Variants in RBM19 observed in about 807,000 individuals in gnomAD.
RBM19 encodes probable RNA-binding protein 19.
RBM19 carries 94 observed loss-of-function variants against 116.8 expected under a neutral mutation model. The observed-to-expected ratio is 0.80, with a 90% confidence interval of 0.68 to 0.95. RBM19 has a LOEUF of 0.95. Among genes scored for constraint, RBM19 ranks in the 40% least tolerant of loss-of-function variants. RBM19 has a pLI of 0.00. For synonymous variants in RBM19, 475 were observed against 494.1 expected (o/e 0.96, Z 0.51); for missense variants, 1,161 against 1,220.7 (o/e 0.95, Z 0.73).
At position 113,903,335 on chromosome 12, in the gene RBM19, C is replaced by T. The variant is rs1040743799; in HGVS notation, c.2558+11634G>A. 6.6e-6 allele frequency among the ~76,000 whole-genome samples: 1 copy of T among 152,202 alleles called. No homozygotes were observed. On this transcript the variant is annotated intron_variant, in intron 21 of 23. Coordinates refer to ENST00000261741, the MANE Select transcript of RBM19 (RefSeq NM_016196.4). This position sits in a 1 kb window ranked among gnomAD's most constrained non-coding sequence, Gnocchi z 5.1. ...ACTCAGCATCATGTTTTCAAATCCA[C>T]GTTATCAGTAGTCCATTCCTATTTA... is the stretch of plus-strand genomic sequence containing the variant.
chr12:113,960,251 G>A lies in RBM19; in HGVS notation c.220-73C>T, dbSNP rs1195006387. Reference sequence around the variant, plus strand: ...GTTGGGTGCTGCCCTTCGGCACCTGGGAGCTCGGGCATTTCAGACAACTGT... The same window carrying A: ...GTTGGGTGCTGCCCTTCGGCACCTGAGAGCTCGGGCATTTCAGACAACTGT... On this transcript the variant is annotated intron_variant, in intron 2 of 23. Transcript: ENST00000261741. The A allele has an allele frequency of 4.4e-6, 7 of 1,599,358 alleles. No individual in the cohort carries two copies. In the Admixed American group the frequency reaches 1.0e-4, roughly 23 times the overall value.
chr12:113,816,946 T>C (rs1164063983), exon 25 of RBM19: 5 of 152,214 alleles, frequency 3.3e-5, no homozygotes, highest in African/African-American at 4.8e-5. Context: ...TCACTCTCCC[T>C]TCCCCGTCCT....
intron 21 of RBM19, among the ~76,000 whole-genome samples, chr12:113,876,682 C>T (rs923158812): frequency 2.6e-5 from 4 of 151,796 alleles, no homozygotes; most frequent in East Asian, 1.9e-4. Context: ...TCCCAGATAC[C>T]GTAGGGGCTG....
At chr12:113,966,082 AGTCCT>A (rs1872844515) in intron 1 of RBM19, 105 bp downstream of exon 1, 3 of 1,299,844 alleles carry the variant, frequency 2.3e-6, no homozygotes, top group Non-Finnish European at 3.3e-6. Flanking sequence ...ATTGGCCCGG[AGTCCT>A]GCCCCAGAGC....
At chr12:113,933,235 A>T (rs1224864653) in intron 16 of RBM19, among the ~76,000 whole-genome samples, 1 of 150,314 alleles carries the variant, frequency 6.7e-6, no homozygotes, top group Non-Finnish European at 1.5e-5. Context: ...CTTCCTTGGG[A>T]GCCTGAGAAA....
chr12:113,966,234 G>C lies in RBM19; in HGVS notation c.-7C>G. On this transcript the variant is annotated 5_prime_UTR_variant, in exon 1 of 24. Transcript: ENST00000261741. ...TCACGATCAGTCGCGACATGGCGCA[G>C]GGTCCCCGCTGTTTTGATTCCAACA... The C allele has an allele frequency of 1.2e-6, 2 of 1,614,250 alleles. No individual in the cohort carries two copies. The highest frequency in any genetic ancestry group is 1.7e-6 in the Non-Finnish European group (2 of 1,180,044).
At chr12:113,820,760 A>T (rs1181744204), downstream of RBM19, among the ~76,000 whole-genome samples, 1 of 152,140 alleles carries the variant, frequency 6.6e-6, no homozygotes, top group Non-Finnish European at 1.5e-5. Context: ...TGCCTGGGGC[A>T]GGGGTGCAGG....
chr12:113,835,710 C>T (rs1875818824), intron 23 of RBM19, among the ~76,000 whole-genome samples: 1 of 152,228 alleles, frequency 6.6e-6, no homozygotes, highest in Admixed American at 6.5e-5. Context: ...ATCTCCCGCC[C>T]CAGCCCAACC....
chr12:113,933,757 A>T (rs1190769658), intron 16 of RBM19, among the ~76,000 whole-genome samples: 2 of 152,176 alleles, frequency 1.3e-5, no homozygotes, highest in African/African-American at 4.8e-5. Flanking sequence ...TTCTGTACTC[A>T]GGGCCCACTT....
chr12:113,912,606 C>T lies in RBM19; in HGVS notation c.2558+2363G>A, dbSNP rs78866542. On this transcript the variant is annotated intron_variant, in intron 21 of 23. Transcript: ENST00000261741. Reference sequence around the variant, plus strand: ...AAAAGGAATGACAGCATCCATCCCTCGCAGGGCTGCTGTGCGGCTTAAAAG... The same window carrying T: ...AAAAGGAATGACAGCATCCATCCCTTGCAGGGCTGCTGTGCGGCTTAAAAG... Among the ~76,000 whole-genome samples the T allele has an allele frequency of 7.2e-5, 11 of 152,322 alleles. No homozygotes were observed. The East Asian group carries it at 1.7e-3, about 24-fold the overall frequency.
At chr12:113,829,645 G>A (rs1001148758) in intron 23 of RBM19, among the ~76,000 whole-genome samples, 20 of 152,236 alleles carry the variant, frequency 1.3e-4, no homozygotes, top group African/African-American at 4.8e-4. Flanking sequence ...ACAGGACGAG[G>A]TGGGACCTGA....
intron 23 of RBM19, among the ~76,000 whole-genome samples, chr12:113,839,347 G>T (rs1184156670): frequency 1.3e-5 from 2 of 152,238 alleles, no homozygotes; most frequent in African/African-American, 4.8e-5. Flanking sequence ...GTGTCCCAGA[G>T]ACATCAATCG....
intron 21 of RBM19, among the ~76,000 whole-genome samples, chr12:113,894,964 G>A (rs1881218683): frequency 6.6e-6 from 1 of 152,174 alleles, no homozygotes; most frequent in Non-Finnish European, 1.5e-5. Flanking sequence ...CTGGCCAGAG[G>A]ACAAGGCCCA....
intron 16 of RBM19, among the ~76,000 whole-genome samples, chr12:113,930,710 C>T (rs967047611): frequency 2.5e-4 from 38 of 152,212 alleles, no homozygotes; most frequent in Non-Finnish European, 5.9e-5. Flanking sequence ...TCTGGCTGAC[C>T]CCGGAGACGT....
chr12:113,913,068 T>C (rs1458457484), intron 21 of RBM19, among the ~76,000 whole-genome samples: 3 of 152,166 alleles, frequency 2.0e-5, no homozygotes, highest in East Asian at 3.9e-4. Flanking sequence ...ATTCCCTGTC[T>C]TCTAAAAATA....
At position 113,858,890 on chromosome 12, in the gene RBM19, A is replaced by G. The variant is rs1339915178; in HGVS notation, c.2565T>C (p.Phe855=). ...SREIRELFST[F]GELKTVRLPK... Reference sequence around the variant, plus strand: ...GCAGGCGGACCGTCTTCAACTCCCCAAAGGTGCTAGAAACAAAAGGCAAGA... The same window carrying G: ...GCAGGCGGACCGTCTTCAACTCCCCGAAGGTGCTAGAAACAAAAGGCAAGA... The change falls in exon 22 of 24, where the codon TTT becomes TTC. Residue 855 remains phenylalanine, a synonymous_variant. Coordinates refer to ENST00000261741, the MANE Select transcript of RBM19 (RefSeq NM_016196.4). 5 of 1,614,176 alleles carry G rather than the reference A, an allele frequency of 3.1e-6. No individual in the cohort carries two copies. Among genetic ancestry groups the G allele is most frequent in the Non-Finnish European group, 4.2e-6 (5 of 1,180,030 alleles).
At position 113,942,413 on chromosome 12, in the gene RBM19, C is replaced by T. The variant is rs375265401; in HGVS notation, c.1648G>A (p.Val550Met). Residue 550 changes from valine to methionine, a missense_variant, in exon 14 of 24, where the codon GTG becomes ATG. Coordinates refer to ENST00000261741, the MANE Select transcript of RBM19 (RefSeq NM_016196.4). ...FDHETKGSVA[V>M]RVALGETQLV... ...TGGGTTTCCCCCAGAGCCACGCGCA[C>T]GGCCACGCTGCCCTTGGTCTCCTGT... 1.0e-5 allele frequency: 16 copies of T among 1,607,790 alleles called. No individual in the cohort carries two copies. The African/African-American group carries it at 1.2e-4, about 12-fold the overall frequency.
intron 15 of RBM19, 80 bp downstream of exon 15, chr12:113,939,880 A>G (rs1870403068): frequency 6.8e-7 from 1 of 1,467,146 alleles, no homozygotes; most frequent in South Asian, 1.2e-5. Context: ...CTGTGAATCC[A>G]TAGCCCACTG....
downstream of RBM19, among the ~76,000 whole-genome samples, chr12:113,820,961 C>T (rs1268951342): frequency 3.9e-5 from 6 of 152,328 alleles, no homozygotes; most frequent in East Asian, 1.2e-3. Context: ...GGTTGGACAG[C>T]CCTGATTCCC....
Sources: gnomAD v4.1 joint callset for allele counts (sites outside exome capture counted in the v4.1 genomes callset) on GRCh38, gnomAD v4.1.1 for gene constraint, Gnocchi (gnomAD v3.1) non-coding constraint, MANE v1.5 for transcripts, NCBI Gene and HGNC (gene_info 2026-07-23, HGNC 2026-07-21) for gene names.